ATG16L2: variants seen among roughly 807,000 people sequenced by gnomAD.
ATG16L2 encodes autophagy related 16 like 2.
Under a neutral mutation model 84.7 loss-of-function variants are expected in ATG16L2, and 77 were observed. The observed-to-expected ratio is 0.91, with a 90% CI of 0.76 to 1.10. ATG16L2 has a LOEUF of 1.10. Among genes scored for constraint, ATG16L2 ranks in the 50% least tolerant of loss-of-function variants. The pLI, the probability that ATG16L2 is intolerant of heterozygous loss-of-function variation, is 0.00. For synonymous variants in ATG16L2, 361 were observed against 342.8 expected (o/e 1.05, Z -0.59); for missense variants, 782 against 817.6 (o/e 0.96, Z 0.53).
At position 72,822,494 on chromosome 11, in the gene ATG16L2, G is replaced by A; in HGVS notation, c.661G>A (p.Val221Met). The change falls in exon 6 of 18, where the codon GTG (valine) becomes ATG (methionine). Residue 221 changes from valine (V) to methionine (M), a missense_variant. By Grantham distance (21) the Val-to-Met change is conservative. Transcript: ENST00000321297. This position sits in a 1 kb window ranked among gnomAD's most constrained non-coding sequence, Gnocchi z 4.2. ...ERRERAKQAR[V>M]SQELKKAAKR... is the part of the protein sequence containing the mutation. The stretch of plus-strand genomic sequence containing the variant: ...CCCAACAAGGGCCAAGCAGGCGCGG[G>A]TGTCCCAGGAGCTGAAGAAGGCTGC... 6.2e-7 allele frequency: 1 copy of A among 1,613,122 alleles called. No homozygotes were observed. The highest frequency in any genetic ancestry group is 8.5e-7 in the Non-Finnish European group (1 of 1,179,578).
At chr11:72,816,979 G>T (rs1859735879) in intron 2 of ATG16L2, 152 bp downstream of exon 2, 1 of 592,580 alleles carries the variant, frequency 1.7e-6, no homozygotes, top group Non-Finnish European at 3.0e-6. Context: ...TGGGGGTGGT[G>T]GGGGAGGCAG....
At chr11:72,820,783 C>T in intron 3 of ATG16L2, among the ~76,000 whole-genome samples, 1 of 152,010 alleles carries the variant, frequency 6.6e-6, no homozygotes, top group Non-Finnish European at 1.5e-5. Flanking sequence ...GTTCTCTTGT[C>T]ACACTGGTGG....
At chr11:72,828,559 C>T (rs1860497238) in intron 15 of ATG16L2, 51 bp downstream of exon 15, 1 of 1,610,256 alleles carries the variant, frequency 6.2e-7, no homozygotes, top group African/African-American at 1.3e-5. Flanking sequence ...GACAGCTGAG[C>T]CTCTCTTCTC....
chr11:72,821,812 C>G (rs566246310), intron 4 of ATG16L2, 71 bp downstream of exon 4: 2 of 1,499,050 alleles, frequency 1.3e-6, no homozygotes, highest in East Asian at 5.0e-5. Flanking sequence ...ATACGGGAGG[C>G]GGGGGGAATG....
chr11:72,827,858 G>T (rs571455963), intron 14 of ATG16L2, among the ~76,000 whole-genome samples: 5 of 152,314 alleles, frequency 3.3e-5, no homozygotes, highest in Non-Finnish European at 7.4e-5. Context: ...GCTTGAACCC[G>T]GGAGGCAGAG....
At chr11:72,817,639 C>T in intron 2 of ATG16L2, 117 bp from the exon 3 acceptor site, 1 of 973,598 alleles carries the variant, frequency 1.0e-6, no homozygotes, top group South Asian at 1.4e-5. Flanking sequence ...TGGCTTCCAT[C>T]TTCCCAGGAC....
chr11:72,840,856 C>T (rs766471788), intron 5 of ATG16L2: 7 of 1,553,762 alleles, frequency 4.5e-6, no homozygotes, highest in South Asian at 1.1e-5. Context: ...ATTCGATAAT[C>T]CTGCAAGATC....
chr11:72,815,303 C>G (rs918122876), intron 1 of ATG16L2, among the ~76,000 whole-genome samples: 1 of 152,214 alleles, frequency 6.6e-6, no homozygotes, highest in African/African-American at 2.4e-5. Flanking sequence ...CCCTGCGGCT[C>G]TCTCACTGGG....
At chr11:72,821,150 CTT>C (rs747692688) in intron 3 of ATG16L2, 3 of 916,550 alleles carry the variant, frequency 3.3e-6, no homozygotes, top group East Asian at 2.4e-4. Flanking sequence ...AGCTACGTGA[CTT>C]TGGGCAAGAC....
In ATG16L2 at chr11:72,829,593, C is replaced by CTA; in HGVS notation, c.*204_*205insAT. ...TTTTTCTTTGTATTTTTATCTCTAT[C>CTA]TCCTCACTTTTTCTCCCAAAGTAGA... On this transcript the variant is annotated 3_prime_UTR_variant, in exon 18 of 18. Transcript: ENST00000321297. 6 of 1,382,608 alleles carry CTA rather than the reference C, an allele frequency of 4.3e-6. No individual in the cohort carries two copies. The Admixed American group carries it at 1.6e-4, about 36-fold the overall frequency. 85.6% of individuals were successfully genotyped at this position (1,382,608 alleles called of 1,614,324 possible).
At chr11:72,823,600 A>G in intron 7 of ATG16L2, 1 of 426,758 alleles carries the variant, frequency 2.3e-6, no homozygotes, top group Non-Finnish European at 4.7e-6. Context: ...AACCGTGGGG[A>G]GGGGCATGAG....
chr11:72,824,881 G>A (rs1238138278), intron 9 of ATG16L2, 39 bp downstream of exon 9: 2 of 1,524,124 alleles, frequency 1.3e-6, no homozygotes, highest in Non-Finnish European at 1.8e-6. Context: ...GGGCAGTGGT[G>A]AGAGAGTGCA....
rs371207895 is a variant in ATG16L2 at position 72,828,733 on chromosome 11, G to A, written c.1627G>A (p.Asp543Asn). The A allele has an allele frequency of 7.4e-6, 12 of 1,613,956 alleles. No homozygotes were observed. Among genetic ancestry groups the A allele is most frequent in the Admixed American group, 1.7e-5 (1 of 60,006 alleles). ...VSNIRQVFRA[D>N]GFKCGSDWTK... is the part of the protein sequence containing the mutation. ...CCCAGCCCTGTCTGTCCTCAGGGCCGATGGCTTCAAGTGTGGTTCTGACTG... is the reference window on the plus strand; with the variant it reads ...CCCAGCCCTGTCTGTCCTCAGGGCCAATGGCTTCAAGTGTGGTTCTGACTG... The change falls in exon 16 of 18, where the codon GAT (aspartate) becomes AAT (asparagine). Residue 543 changes from aspartate to asparagine, a missense_variant. Asp to Asn is a conservative substitution (Grantham distance 23, BLOSUM62 1). Transcript: ENST00000321297.
chr11:72,827,110 C>G, intron 13 of ATG16L2, 78 bp from the exon 14 acceptor site: 1 of 1,178,460 alleles, frequency 8.5e-7, no homozygotes, highest in Admixed American at 1.9e-5. Flanking sequence ...TTCTGGGCCT[C>G]AGCTTCTCCA....
chr11:72,826,612 G>A (rs1333564439), intron 12 of ATG16L2, 23 bp downstream of exon 12: 4 of 1,614,162 alleles, frequency 2.5e-6, no homozygotes, highest in Admixed American at 3.3e-5. Flanking sequence ...TGGGGAGGCT[G>A]CCTGGAGGTC....
At chr11:72,826,385 G>A in intron 11 of ATG16L2, 133 bp from the exon 12 acceptor site, 1 of 1,428,130 alleles carries the variant, frequency 7.0e-7, no homozygotes, top group Admixed American at 2.0e-5. Context: ...CTCCTCCTTG[G>A]GCCGGAGGCT....
Position 72,814,411 on chromosome 11 carries a change from G to C in ATG16L2, c.-35G>C. 7.4e-7 allele frequency: 1 copy of C among 1,360,156 alleles called. No homozygotes were observed. The highest frequency in any genetic ancestry group is 9.6e-7 in the Non-Finnish European group (1 of 1,039,108). 84.3% of individuals were successfully genotyped at this position (1,360,156 alleles called of 1,614,324 possible). A position where few individuals can be genotyped will look rare whatever the true frequency, so the allele number is the denominator to read the frequency against. On this transcript the variant is annotated 5_prime_UTR_variant, in exon 1 of 18. Coordinates refer to ENST00000321297, the MANE Select transcript of ATG16L2 (RefSeq NM_033388.2). Reference sequence around the variant, plus strand: ...GCCCCGGCCTGGCGCCGTCCTGGGCGGGAGGAACGCGCCGCTAGGCGGGAG... The same window carrying C: ...GCCCCGGCCTGGCGCCGTCCTGGGCCGGAGGAACGCGCCGCTAGGCGGGAG...
intron 10 of ATG16L2, 147 bp from the exon 11 acceptor site, chr11:72,826,026 C>T (rs534419333): frequency 1.5e-5 from 10 of 656,456 alleles, no homozygotes; most frequent in African/African-American, 5.4e-5. Flanking sequence ...AGCCCAGGCC[C>T]GCAGAACAGA....
intron 16 of ATG16L2, 44 bp downstream of exon 16, chr11:72,828,820 C>A: frequency 2.5e-6 from 4 of 1,614,004 alleles, no homozygotes; most frequent in South Asian, 1.1e-5. Context: ...TGTGCCCTGC[C>A]GGACCCTGTG....
Sources: gnomAD v4.1 joint callset for allele counts (sites outside exome capture counted in the v4.1 genomes callset) on GRCh38, gnomAD v4.1.1 for gene constraint, Gnocchi (gnomAD v3.1) non-coding constraint, MANE v1.5 for transcripts, NCBI Gene and HGNC (gene_info 2026-07-23, HGNC 2026-07-21) for gene names.